The following PRIM2 variants were observed in gnomAD, a reference collection of about 807,000 sequenced individuals.
PRIM2 encodes DNA primase subunit 2.
A neutral mutation model predicts 67.3 loss-of-function variants in PRIM2; 39 were observed. That is an observed-to-expected ratio of 0.58 (90% CI 0.45 to 0.76). The LOEUF (loss-of-function observed/expected upper bound fraction) is 0.76, where lower values mean the gene tolerates loss of function less well. Ranked by LOEUF, PRIM2 falls within the 30% of genes least tolerant of loss-of-function variation. The pLI, the probability that PRIM2 is intolerant of heterozygous loss-of-function variation, is 0.00. For synonymous variants in PRIM2, 143 were observed against 198.7 expected, an observed-to-expected ratio of 0.72 and a Z score of 2.36; for missense variants, 398 against 598.7, an observed-to-expected ratio of 0.66 and a Z score of 3.50.
At chr6:57,238,328 G>A in the PRIM2 span, among the ~76,000 whole-genome samples, 1,127 of 152,232 alleles carry the variant, frequency 7.4e-3, 16 homozygotes, top group African/African-American at 0.026. Context: ...GCACTCCTCA[G>A]CAAATGTAAA....
chr6:57,381,175 G>C (rs890944051), intron 6 of PRIM2, among the ~76,000 whole-genome samples: 1 of 152,178 alleles, frequency 6.6e-6, no homozygotes, highest in Non-Finnish European at 1.5e-5. Flanking sequence ...CTGTGTTGCA[G>C]TTGTAGAAAT....
intron 5 of PRIM2, among the ~76,000 whole-genome samples, chr6:57,378,914 G>A (rs1194481718): frequency 2.0e-5 from 3 of 150,998 alleles, no homozygotes; most frequent in African/African-American, 7.3e-5. Flanking sequence ...GATACATGTT[G>A]GACATTTAGT....
intron 10 of PRIM2, among the ~76,000 whole-genome samples, chr6:57,591,808 C>T (rs1776286768): frequency 6.6e-6 from 1 of 151,922 alleles, no homozygotes; most frequent in Non-Finnish European, 1.5e-5. Context: ...ACCCAGGAAT[C>T]CCATTACTAC....
the PRIM2 span, among the ~76,000 whole-genome samples, chr6:57,256,277 A>G: frequency 3.9e-5 from 6 of 152,164 alleles, no homozygotes; most frequent in East Asian, 1.2e-3. Context: ...AGGCCCTACC[A>G]TATGTCAGGC....
the PRIM2 span, among the ~76,000 whole-genome samples, chr6:57,306,403 C>T: frequency 6.6e-6 from 1 of 152,182 alleles, no homozygotes; most frequent in East Asian, 1.9e-4. Context: ...GACTCCCGAC[C>T]ATGTCATTAT....
the PRIM2 span, among the ~76,000 whole-genome samples, chr6:57,274,943 AT>A: frequency 3.5e-3 from 483 of 137,172 alleles, no homozygotes; most frequent in Middle Eastern, 0.011. Flanking sequence ...CACCTGGCTA[AT>A]TTTTTTTTTT....
intron 8 of PRIM2, among the ~76,000 whole-genome samples, chr6:57,527,152 T>C (rs1774773260): frequency 6.6e-6 from 1 of 152,228 alleles, no homozygotes; most frequent in Admixed American, 6.5e-5. Context: ...CCTTGATTTT[T>C]GAGCTTCTGT....
rs1358874006 is a variant in PRIM2, at chr6:57,383,751, G to A, written c.693+1583G>A. ...ATGTAGAAAGATGGAAAGAATCTGA[G>A]TCCTTGTTGCTGTCGTTGAGTTGCT... On this transcript the variant is annotated intron_variant, in intron 7 of 13. Transcript: ENST00000615550. 4.6e-5 allele frequency among the ~76,000 whole-genome samples: 7 copies of A among 152,136 alleles called. No homozygotes were observed. In the East Asian group the frequency reaches 1.2e-3, roughly 25 times the overall value.
the PRIM2 span, among the ~76,000 whole-genome samples, chr6:57,301,258 C>T: frequency 2.0e-5 from 3 of 152,228 alleles, no homozygotes; most frequent in Middle Eastern, 3.4e-3. Context: ...GAGGTCACGG[C>T]GGGTAGATCA....
chr6:57,426,167 A>G (rs28587717), intron 7 of PRIM2, among the ~76,000 whole-genome samples: 2 of 152,148 alleles, frequency 1.3e-5, no homozygotes, highest in Non-Finnish European at 2.9e-5. Context: ...CACTCATCAT[A>G]TAAGTATTAT....
the PRIM2 span, among the ~76,000 whole-genome samples, chr6:57,300,919 G>A: frequency 6.6e-6 from 1 of 152,178 alleles, no homozygotes; most frequent in African/African-American, 2.4e-5. Flanking sequence ...ATGTTGCTGT[G>A]AGAGAAGGAG....
intron 11 of PRIM2, among the ~76,000 whole-genome samples, chr6:57,606,124 A>G (rs1165586535): frequency 4.6e-5 from 7 of 152,244 alleles, no homozygotes; most frequent in Non-Finnish European, 8.8e-5. Context: ...TTCCTGTTGA[A>G]TGGACATCTT....
intron 7 of PRIM2, among the ~76,000 whole-genome samples, chr6:57,421,599 T>C (rs1407350979): frequency 6.6e-6 from 1 of 152,230 alleles, no homozygotes; most frequent in Non-Finnish European, 1.5e-5. Context: ...AGTATTACAA[T>C]GATCATTGTT....
At chr6:57,598,902 G>C (rs1776415121) in intron 10 of PRIM2, among the ~76,000 whole-genome samples, 1 of 90,530 alleles carries the variant, frequency 1.1e-5, no homozygotes. Context: ...GCTTGCAATT[G>C]GTATATGAAG....
chr6:57,580,017 T>C (rs1243060184), intron 10 of PRIM2, among the ~76,000 whole-genome samples: 10 of 152,252 alleles, frequency 6.6e-5, no homozygotes, highest in African/African-American at 1.4e-4. Flanking sequence ...TTTAAATGTT[T>C]ATATAAAAAT....
chr6:57,439,507 C>T (rs541553749), intron 7 of PRIM2, among the ~76,000 whole-genome samples: 20 of 134,504 alleles, frequency 1.5e-4, no homozygotes, highest in African/African-American at 5.5e-4. Context: ...ACTTTGCCTT[C>T]TGGGTTCTAG....
intron 10 of PRIM2, among the ~76,000 whole-genome samples, chr6:57,548,315 C>G (rs1260179188): frequency 2.6e-5 from 4 of 151,972 alleles, no homozygotes; most frequent in African/African-American, 9.7e-5. Context: ...TCTTAGCATA[C>G]AAGAAAATGG....
the PRIM2 span, among the ~76,000 whole-genome samples, chr6:57,296,083 A>G: frequency 3.9e-5 from 6 of 152,302 alleles, no homozygotes; most frequent in Non-Finnish European, 8.8e-5. Flanking sequence ...ATAACAAATG[A>G]ACCTAACCAT....
At chr6:57,269,905 T>G in the PRIM2 span, among the ~76,000 whole-genome samples, 1 of 152,184 alleles carries the variant, frequency 6.6e-6, no homozygotes, top group Non-Finnish European at 1.5e-5. Flanking sequence ...CCCCATTGCT[T>G]GTTTTTGTGA....
Sources: gnomAD v4.1 joint callset for allele counts (sites outside exome capture counted in the v4.1 genomes callset) on GRCh38, gnomAD v4.1.1 for gene constraint, MANE v1.5 for transcripts, NCBI Gene and HGNC (gene_info 2026-07-23, HGNC 2026-07-21) for gene names.